N4BP2L2: variants seen among roughly 807,000 people sequenced by gnomAD.
N4BP2L2 encodes the protein NEDD4 binding protein 2 like 2, also known as NEDD4-binding protein 2-like 2.
Under a neutral mutation model 56.2 loss-of-function variants are expected in N4BP2L2, and 50 were observed. The ratio of observed to expected loss-of-function variants is 0.89; its 90% confidence interval spans 0.71 to 1.13. N4BP2L2 has a LOEUF of 1.13. Among genes scored for constraint, N4BP2L2 ranks in the 50% most tolerant of loss-of-function variants. N4BP2L2 has a pLI of 0.00. For synonymous variants in N4BP2L2, 203 were observed against 223.6 expected (o/e 0.91, Z 0.82); for missense variants, 689 against 693.8 (o/e 0.99, Z 0.08).
chr13:32,443,390 GCTGT>G lies in N4BP2L2; in HGVS notation c.1098_1101del (p.Arg366SerfsTer40), dbSNP rs767276993. The G allele has an allele frequency of 1.2e-5, 19 of 1,613,860 alleles. No homozygotes were observed. The African/African-American group carries it at 1.9e-4, about 16-fold the overall frequency. ...CCTGCAGGCCAGCTACCAAAATAGG[GCTGT>G]CTGTCAGAGCCCAGCTGTAAATCTT... On this transcript the variant is annotated frameshift_variant, in exon 7 of 10. Transcript: ENST00000357505. LOFTEE classifies it high-confidence loss of function.
intron 6 of N4BP2L2, chr13:32,446,648 T>A: frequency 4.1e-6 from 2 of 489,580 alleles, no homozygotes; most frequent in Non-Finnish European, 5.3e-6. Flanking sequence ...AGCTCTCTAC[T>A]GTACAAAGAA....
At chr13:32,533,423 G>A (rs1007520234) in intron 2 of N4BP2L2, among the ~76,000 whole-genome samples, 1 of 151,544 alleles carries the variant, frequency 6.6e-6, no homozygotes, top group Non-Finnish European at 1.5e-5. Context: ...ACCAAATTAA[G>A]TAAGAAGGGG....
At chr13:32,440,020 C>T (rs543396592) in intron 7 of N4BP2L2, among the ~76,000 whole-genome samples, 24 of 133,114 alleles carry the variant, frequency 1.8e-4, no homozygotes, top group African/African-American at 6.2e-4. Context: ...AGCGAGACTC[C>T]GTCTCAAAAA....
At chr13:32,437,954 C>T (rs141733184) in intron 8 of N4BP2L2, among the ~76,000 whole-genome samples, 1 of 152,262 alleles carries the variant, frequency 6.6e-6, no homozygotes, top group African/African-American at 2.4e-5. Flanking sequence ...GCACTTCTCT[C>T]AAGTTTGATA....
chr13:32,524,480 G>A (rs2052049678), intron 3 of N4BP2L2: 1 of 152,150 alleles, frequency 6.6e-6, no homozygotes, highest in Non-Finnish European at 1.5e-5. Context: ...CAAATAATGG[G>A]AATAGTTTTC....
At chr13:32,513,870 C>G (rs1423309580) in exon 6 of N4BP2L2, 2 of 152,174 alleles carry the variant, frequency 1.3e-5, no homozygotes, top group Non-Finnish European at 1.5e-5. Flanking sequence ...GGCACTAGAA[C>G]ACACAACTAC....
chr13:32,519,471 C>T (rs2139975078), intron 5 of N4BP2L2, among the ~76,000 whole-genome samples: 1 of 152,174 alleles, frequency 6.6e-6, no homozygotes, highest in Middle Eastern at 3.4e-3. Flanking sequence ...GCCTAACCAA[C>T]ATGGTGAAAC....
In N4BP2L2 at chr13:32,526,818, G is replaced by GTTTTTTTTTTTTTTTTTTT. The variant is rs35925361; in HGVS notation, c.1384+571_1384+589dup. The GTTTTTTTTTTTTTTTTTTT allele has an allele frequency of 3.7e-4, 9 of 24,244 alleles. 2 individuals carry two copies. Among genetic ancestry groups the GTTTTTTTTTTTTTTTTTTT allele is most frequent in the African/African-American group, 6.8e-4 (5 of 7,326 alleles). The allele number at this position is 24,244 out of a possible 1,614,324, so 1.5% of individuals were successfully genotyped here. A position where few individuals can be genotyped will look rare whatever the true frequency, so the allele number is the denominator to read the frequency against. On this transcript the variant is annotated intron_variant, in intron 3 of 5. Transcript: ENST00000267068. ...CTGAGGCCAGGCACACTTTTTGTCT[G>GTTTTTTTTTTTTTTTTTTT]TTTTTTTTTTTTTTTTTTTTTTTTT...
intron 6 of N4BP2L2, among the ~76,000 whole-genome samples, chr13:32,501,536 C>T (rs549462357): frequency 6.6e-6 from 1 of 151,972 alleles, no homozygotes; most frequent in African/African-American, 2.4e-5. Flanking sequence ...AAATATCGGC[C>T]GGGTGCGGTG....
At chr13:32,500,273 T>C (rs2089705667) in intron 6 of N4BP2L2, among the ~76,000 whole-genome samples, 1 of 152,188 alleles carries the variant, frequency 6.6e-6, no homozygotes, top group Admixed American at 6.5e-5. Context: ...AACAATTATT[T>C]AACTATTGAT....
chr13:32,464,112 A>C (rs2080786474), intron 6 of N4BP2L2, among the ~76,000 whole-genome samples: 1 of 152,206 alleles, frequency 6.6e-6, no homozygotes. Context: ...ATGATTTAAA[A>C]GACAACTACA....
At chr13:32,433,069 C>A (rs559117971) in intron 9 of N4BP2L2, 2 of 152,356 alleles carry the variant, frequency 1.3e-5, no homozygotes, top group South Asian at 4.1e-4. Flanking sequence ...TTATGCCACT[C>A]CCCTGGCATC....
chr13:32,481,118 C>CAAAAAAAAAA lies in N4BP2L2; in HGVS notation c.365+36729_365+36738dup, dbSNP rs60854435. Among the ~76,000 whole-genome samples, 5 of 20,716 alleles carry CAAAAAAAAAA rather than the reference C, an allele frequency of 2.4e-4. 1 individual carries two copies. The highest frequency in any genetic ancestry group is 9.2e-4 in the Admixed American group (1 of 1,086). The allele number at this position is 20,716 out of a possible 152,430, so 13.6% of individuals were successfully genotyped here. A position where few individuals can be genotyped will look rare whatever the true frequency, so the allele number is the denominator to read the frequency against. ...TCAGCAACAGAGTGAGACTCTGTCTCAAAAAAAAAAAAAAAAAAAAAAAAA... is the reference window on the plus strand; with the variant it reads ...TCAGCAACAGAGTGAGACTCTGTCTCAAAAAAAAAAAAAAAAAAAAAAAAAAAAAAAAAAA... On this transcript the variant is annotated intron_variant, in intron 6 of 9. Coordinates refer to the N4BP2L2 transcript ENST00000357505.
intron 4 of N4BP2L2, 152 bp downstream of exon 4, chr13:32,522,030 A>G (rs113931996): frequency 8.2e-5 from 49 of 594,166 alleles, no homozygotes; most frequent in Admixed American, 1.1e-4. Context: ...AACATCATTC[A>G]CAATTTTTTT....
intron 6 of N4BP2L2, among the ~76,000 whole-genome samples, chr13:32,487,333 G>T (rs2086097490): frequency 6.6e-6 from 1 of 151,648 alleles, no homozygotes; most frequent in Non-Finnish European, 1.5e-5. Context: ...AAAATTATCT[G>T]GGCATGGTGG....
chr13:32,461,665 T>C (rs940405610), intron 6 of N4BP2L2, among the ~76,000 whole-genome samples: 2 of 152,138 alleles, frequency 1.3e-5, no homozygotes, highest in African/African-American at 4.8e-5. Context: ...GGCAGTGGTG[T>C]GATTATAGTT....
chr13:32,498,144 T>C (rs2089186547), intron 6 of N4BP2L2, among the ~76,000 whole-genome samples: 1 of 152,040 alleles, frequency 6.6e-6, no homozygotes, highest in South Asian at 2.1e-4. Context: ...GCCACCATAC[T>C]TGGCTAATTT....
chr13:32,529,835 C>G (rs1396337628), intron 2 of N4BP2L2, among the ~76,000 whole-genome samples: 2 of 151,830 alleles, frequency 1.3e-5, no homozygotes, highest in African/African-American at 2.4e-5. Flanking sequence ...AAGTGGTTCT[C>G]CTGCCTCAGC....
At chr13:32,509,353 C>T (rs1342643555), downstream of N4BP2L2, 3 of 152,168 alleles carry the variant, frequency 2.0e-5, no homozygotes, top group African/African-American at 4.8e-5. Context: ...AAAATCTGAA[C>T]TCCAAAACAC....
Sources: gnomAD v4.1 joint callset for allele counts (sites outside exome capture counted in the v4.1 genomes callset) on GRCh38, gnomAD v4.1.1 for gene constraint, MANE v1.5 for transcripts, NCBI Gene and HGNC (gene_info 2026-07-23, HGNC 2026-07-21) for gene names.